FARS2: variants seen among roughly 807,000 people sequenced by gnomAD.
FARS2 encodes the protein phenylalanyl-tRNA synthetase 2, mitochondrial.
FARS2 carries 40 observed loss-of-function variants against 46.4 expected under a neutral mutation model. That is an observed-to-expected ratio of 0.86 (90% CI 0.67 to 1.12). The LOEUF (loss-of-function observed/expected upper bound fraction) is 1.12. Among genes scored for constraint, FARS2 ranks in the 50% most tolerant of loss-of-function variants. FARS2 has a pLI of 0.00. For synonymous variants in FARS2, 234 were observed against 214.9 expected (o/e 1.09, Z -0.78); for missense variants, 513 against 567.9 (o/e 0.90, Z 0.98).
chr6:5,495,611 T>G (rs1253473257), intron 4 of FARS2, among the ~76,000 whole-genome samples: 2 of 152,224 alleles, frequency 1.3e-5, no homozygotes, highest in Non-Finnish European at 2.9e-5. Flanking sequence ...CATCAGCCCT[T>G]TAAGCCTTCG....
intron 6 of FARS2, among the ~76,000 whole-genome samples, chr6:5,624,572 T>TAAAA (rs1338557989): frequency 6.6e-6 from 1 of 152,252 alleles, no homozygotes; most frequent in Non-Finnish European, 1.5e-5. Context: ...AAATCCTTTT[T>TAAAA]AACTTTCACT....
At chr6:5,511,866 G>A (rs969168670) in intron 4 of FARS2, among the ~76,000 whole-genome samples, 10 of 152,140 alleles carry the variant, frequency 6.6e-5, no homozygotes, top group African/African-American at 2.4e-4. Context: ...ACAGGTTCAG[G>A]AGTCTGTTAG....
intron 5 of FARS2, among the ~76,000 whole-genome samples, chr6:5,569,515 G>A (rs889170333): frequency 1.1e-4 from 16 of 152,144 alleles, no homozygotes; most frequent in African/African-American, 3.9e-4. Context: ...GTGAGCCACC[G>A]TATTTGAGCA....
chr6:5,410,156 TG>T (rs1239669289), intron 3 of FARS2, among the ~76,000 whole-genome samples: 10 of 115,072 alleles, frequency 8.7e-5, no homozygotes, highest in East Asian at 5.3e-4. Flanking sequence ...TGTGTTTTTT[TG>T]TTTTTTTTTT....
chr6:5,320,152 G>T (rs1769864365), intron 1 of FARS2, among the ~76,000 whole-genome samples: 1 of 152,190 alleles, frequency 6.6e-6, no homozygotes, highest in Non-Finnish European at 1.5e-5. Context: ...TTTCCAGAAG[G>T]TTTGGGCAAC....
rs548270497 is a variant in FARS2, at chr6:5,418,817, G to C, written c.773-12224G>C. ...GGTCTCACCCCTCTGGGGGGTCTGTGTCCTTGGTCACCTGGTGTCCTCTGT... is the reference window on the plus strand; with the variant it reads ...GGTCTCACCCCTCTGGGGGGTCTGTCTCCTTGGTCACCTGGTGTCCTCTGT... On this transcript the variant is annotated intron_variant, in intron 3 of 6. Transcript: ENST00000274680. 5.9e-5 allele frequency among the ~76,000 whole-genome samples: 9 copies of C among 152,204 alleles called. No individual in the cohort carries two copies. The South Asian group carries it at 1.9e-3, about 32-fold the overall frequency.
At chr6:5,495,164 T>C (rs1767378654) in intron 4 of FARS2, among the ~76,000 whole-genome samples, 1 of 152,224 alleles carries the variant, frequency 6.6e-6, no homozygotes, top group Admixed American at 6.5e-5. Flanking sequence ...ACTGTAGAGG[T>C]CAAAATGTGA....
At chr6:5,372,146 TA>T (rs1339136856) in intron 2 of FARS2, among the ~76,000 whole-genome samples, 1 of 152,138 alleles carries the variant, frequency 6.6e-6, no homozygotes, top group Non-Finnish European at 1.5e-5. Context: ...GCTTAGTACA[TA>T]AAGCAAAACT....
intron 6 of FARS2, among the ~76,000 whole-genome samples, chr6:5,701,454 G>C (rs1160726350): frequency 1.3e-5 from 2 of 152,224 alleles, no homozygotes; most frequent in African/African-American, 4.8e-5. Flanking sequence ...GAACGTGAAA[G>C]CATTTCCTGG....
chr6:5,571,122 C>A (rs150321702), intron 5 of FARS2, among the ~76,000 whole-genome samples: 2 of 152,118 alleles, frequency 1.3e-5, no homozygotes, highest in African/African-American at 4.8e-5. Flanking sequence ...AATATGCAGC[C>A]GTTAGTATGT....
intron 6 of FARS2, among the ~76,000 whole-genome samples, chr6:5,742,397 A>G: frequency 6.6e-6 from 1 of 152,208 alleles, no homozygotes; most frequent in African/African-American, 2.4e-5. Context: ...ACGGGATGAG[A>G]GCGGGGAGAG....
rs1171325752 is a variant in FARS2 at position 5,410,149 on chromosome 6, G to GTT, written c.772+5454_772+5455dup. On this transcript the variant is annotated intron_variant, in intron 3 of 6. Coordinates refer to ENST00000274680, the MANE Select transcript of FARS2 (RefSeq NM_006567.5). ...AGAAAAGTGCTTTGTTCGTTTTTGT[G>GTT]TTTTTTTGTTTTTTTTTTTTTTGAG... Among the ~76,000 whole-genome samples, 559 of 120,424 alleles carry GTT rather than the reference G, an allele frequency of 4.6e-3. 8 individuals are homozygous for GTT. The highest frequency in any genetic ancestry group is 0.017 in the African/African-American group (484 of 28,302). The allele number at this position is 120,424 out of a possible 152,430, so 79.0% of individuals were successfully genotyped here. A position where few individuals can be genotyped will look rare whatever the true frequency, so the allele number is the denominator to read the frequency against.
At chr6:5,738,283 T>C (rs1761079814) in intron 6 of FARS2, among the ~76,000 whole-genome samples, 1 of 152,212 alleles carries the variant, frequency 6.6e-6, no homozygotes, top group Non-Finnish European at 1.5e-5. Context: ...TCCTTTTTCT[T>C]TTGTTGAATG....
chr6:5,401,489 T>C (rs1169254680), intron 2 of FARS2, among the ~76,000 whole-genome samples: 1 of 152,192 alleles, frequency 6.6e-6, no homozygotes, highest in East Asian at 1.9e-4. Context: ...TCAGAACATA[T>C]AACAATTGGA....
rs998557683 is a variant in FARS2 at position 5,764,436 on chromosome 6, G to A, written c.1218-6855G>A. Among the ~76,000 whole-genome samples, 3 of 151,960 alleles carry A rather than the reference G, an allele frequency of 2.0e-5. No homozygotes were observed. The highest frequency in any genetic ancestry group is 4.4e-5 in the Non-Finnish European group (3 of 68,004). ...TAAAGCATTGCACGTATTGACCCTC[G>A]CAGCCATGCACAGTGCCTCTGACGT... On this transcript the variant is annotated intron_variant, in intron 6 of 6. Coordinates refer to ENST00000274680, the MANE Select transcript of FARS2 (RefSeq NM_006567.5). The surrounding 1 kb of genome is among the most constrained non-coding windows in gnomAD (Gnocchi z 4.1).
At chr6:5,564,618 G>C (rs977705021) in intron 5 of FARS2, among the ~76,000 whole-genome samples, 1 of 152,178 alleles carries the variant, frequency 6.6e-6, no homozygotes, top group Non-Finnish European at 1.5e-5. Flanking sequence ...ATAAACTTTA[G>C]ACTTAAACTT....
chr6:5,617,691 A>G (rs1024412436), intron 6 of FARS2, among the ~76,000 whole-genome samples: 3 of 152,250 alleles, frequency 2.0e-5, no homozygotes, highest in African/African-American at 7.2e-5. Flanking sequence ...TGTGATGGCT[A>G]GTATTCTTGC....
intron 4 of FARS2, among the ~76,000 whole-genome samples, chr6:5,494,333 G>A (rs1012221404): frequency 2.0e-5 from 3 of 152,176 alleles, no homozygotes; most frequent in African/African-American, 7.2e-5. Context: ...AGTTCACAAA[G>A]AAGGCGGAGA....
intron 6 of FARS2, among the ~76,000 whole-genome samples, chr6:5,694,311 G>T (rs1482845467): frequency 2.0e-5 from 3 of 152,160 alleles, no homozygotes. Context: ...CTAGCTATTT[G>T]GAAATTGAAA....
Sources: allele counts gnomAD v4.1 joint callset (sites outside exome capture counted in the v4.1 genomes callset), GRCh38; gene constraint gnomAD v4.1.1; non-coding constraint Gnocchi (gnomAD v3.1); transcripts MANE v1.5; gene names NCBI Gene and HGNC (gene_info 2026-07-23, HGNC 2026-07-21).